The following ECE1 variants were observed in gnomAD, a reference collection of about 807,000 sequenced individuals.
The protein encoded by ECE1 is endothelin converting enzyme 1, also known as endothelin-converting enzyme 1.
ECE1 carries 35 observed loss-of-function variants against 98.6 expected under a neutral mutation model. The observed-to-expected ratio is 0.35, with a 90% CI of 0.27 to 0.47. ECE1 has a LOEUF of 0.47. Ranked by LOEUF, ECE1 falls within the 20% of genes least tolerant of loss-of-function variation. ECE1 has a pLI of 1.00. For missense variants in ECE1, 814 were observed against 1,025.3 expected (o/e 0.79, Z 2.81); for synonymous variants, 394 against 407.1 (o/e 0.97, Z 0.39).
intron 1 of ECE1, among the ~76,000 whole-genome samples, chr1:21,323,867 G>A (rs1055229869): frequency 2.0e-5 from 3 of 150,816 alleles, no homozygotes; most frequent in Non-Finnish European, 2.9e-5. Flanking sequence ...GCCCAGGCTG[G>A]AGTGCAATGG....
chr1:21,232,271 A>AT (rs2098182731), intron 14 of ECE1, among the ~76,000 whole-genome samples: 1 of 151,492 alleles, frequency 6.6e-6, no homozygotes, highest in African/African-American at 2.4e-5. Context: ...ACTACATCTA[A>AT]TTTTTTTGAG....
intron 7 of ECE1, among the ~76,000 whole-genome samples, chr1:21,256,490 A>G (rs2098220103): frequency 6.6e-6 from 1 of 151,872 alleles, no homozygotes; most frequent in Non-Finnish European, 1.5e-5. Context: ...CAGGAGGAGG[A>G]GGTTGCAGTG....
At chr1:21,312,959 T>A (rs530845820) in intron 1 of ECE1, among the ~76,000 whole-genome samples, 19 of 152,302 alleles carry the variant, frequency 1.2e-4, no homozygotes, top group African/African-American at 4.6e-4. Flanking sequence ...AGGTAAATAC[T>A]ATCATTGTCT....
intron 4 of ECE1, among the ~76,000 whole-genome samples, chr1:21,263,888 C>T (rs2098230394): frequency 6.6e-6 from 1 of 152,174 alleles, no homozygotes; most frequent in Admixed American, 6.5e-5. Context: ...TCTTCTTTTT[C>T]CTCCTCACTC....
chr1:21,227,281 T>C, intron 15 of ECE1, 55 bp from the exon 16 acceptor site: 1 of 1,520,286 alleles, frequency 6.6e-7, no homozygotes, highest in East Asian at 2.3e-5. Context: ...GGCCTCTCAC[T>C]CTTGCTCAGG....
At position 21,228,967 on chromosome 1, in the gene ECE1, G is replaced by A. The variant is rs552967797; in HGVS notation, c.1671-926C>T. 1.5e-4 allele frequency among the ~76,000 whole-genome samples: 23 copies of A among 150,126 alleles called. 1 individual carries two copies. The highest frequency in any genetic ancestry group is 6.1e-4 in the East Asian group (3 of 4,920). On this transcript the variant is annotated intron_variant, in intron 14 of 18. Coordinates refer to ENST00000374893, the MANE Select transcript of ECE1 (RefSeq NM_001397.3). ...CGCCATTCTCCTGCCTCAGCCTCCC[G>A]TGTAGCTGGGACTACAGGCGCCCAC... is the stretch of plus-strand genomic sequence containing the variant.
chr1:21,296,816 C>T (rs956959197), intron 1 of ECE1, among the ~76,000 whole-genome samples: 2 of 152,110 alleles, frequency 1.3e-5, no homozygotes, highest in East Asian at 1.9e-4. Flanking sequence ...TTAGAGGCTA[C>T]GGGCCACCCA....
At chr1:21,226,829 G>A (rs2098174922) in intron 16 of ECE1, among the ~76,000 whole-genome samples, 1 of 152,126 alleles carries the variant, frequency 6.6e-6, no homozygotes, top group Non-Finnish European at 1.5e-5. Context: ...AGATTCAAAC[G>A]ATTTTCCTGC....
rs28367930 is a variant in ECE1 at position 21,286,723 on chromosome 1, G to C, written c.138+3347C>G. Among the ~76,000 whole-genome samples, 5 of 151,888 alleles carry C rather than the reference G, an allele frequency of 3.3e-5. 1 individual carries two copies. The highest frequency in any genetic ancestry group is 9.7e-5 in the African/African-American group (4 of 41,312). Reference sequence around the variant, plus strand: ...GAGGATCACTTGAGGCCAGGAGTTCGAGACCAGCCTGGGCAACATGGCAAA... The same window carrying C: ...GAGGATCACTTGAGGCCAGGAGTTCCAGACCAGCCTGGGCAACATGGCAAA... On this transcript the variant is annotated intron_variant, in intron 2 of 18. Coordinates refer to ENST00000374893, the MANE Select transcript of ECE1 (RefSeq NM_001397.3).
At chr1:21,226,068 A>G (rs2098173777) in intron 16 of ECE1, among the ~76,000 whole-genome samples, 1 of 152,064 alleles carries the variant, frequency 6.6e-6, no homozygotes, top group Non-Finnish European at 1.5e-5. Context: ...GAGCCAGCTG[A>G]CCTAGGATCA....
rs1187184590 is a variant in ECE1, at chr1:21,327,950, G to C, written c.3+17426C>G. On this transcript the variant is annotated intron_variant, in intron 1 of 18. Coordinates refer to the ECE1 transcript ENST00000415912. This position sits in a 1 kb window ranked among gnomAD's most constrained non-coding sequence, Gnocchi z 4.6. ...GAGAATCTATGAGAATCTAACTAAG[G>C]TGATGAATCTAACTAACATGAACTG... Among the ~76,000 whole-genome samples the C allele has an allele frequency of 6.6e-6, 1 of 152,154 alleles. No individual in the cohort carries two copies. Among genetic ancestry groups the C allele is most frequent in the Non-Finnish European group, 1.5e-5 (1 of 68,020 alleles).
intron 1 of ECE1, among the ~76,000 whole-genome samples, chr1:21,331,412 A>T (rs1451063371): frequency 3.9e-5 from 6 of 152,016 alleles, no homozygotes; most frequent in Non-Finnish European, 8.8e-5. Flanking sequence ...CAAAAAAATT[A>T]AAAAATTAAA....
chr1:21,225,445 G>C lies in ECE1; in HGVS notation c.1850-5C>G. The stretch of plus-strand genomic sequence containing the variant: ...CGTCCTTGTCATACTCCCGTCCTGT[G>C]GGTCAGAGGGAGGCGTCATGTCAAG... On this transcript the variant is annotated splice_region_variant and splice_polypyrimidine_tract_variant and intron_variant, in intron 16 of 18. Transcript: ENST00000374893. The surrounding 1 kb of genome is among the most constrained non-coding windows in gnomAD (Gnocchi z 5.3). The C allele has an allele frequency of 6.2e-7, 1 of 1,613,776 alleles. No individual in the cohort carries two copies. Among genetic ancestry groups the C allele is most frequent in the Non-Finnish European group, 8.5e-7 (1 of 1,179,902 alleles).
intron 2 of ECE1, among the ~76,000 whole-genome samples, chr1:21,281,216 C>A (rs2098254138): frequency 6.6e-6 from 1 of 152,046 alleles, no homozygotes; most frequent in Non-Finnish European, 1.5e-5. Context: ...CAAAACAAAA[C>A]AAAACAAAAC....
At chr1:21,227,886 G>C in intron 15 of ECE1, 45 bp downstream of exon 15, 2 of 1,473,962 alleles carry the variant, frequency 1.4e-6, no homozygotes, top group Non-Finnish European at 1.9e-6. Context: ...CCCAGGGCTG[G>C]GCTGGGGGAA....
At chr1:21,328,096 T>G (rs1017482511) in intron 1 of ECE1, among the ~76,000 whole-genome samples, 1 of 152,168 alleles carries the variant, frequency 6.6e-6, no homozygotes, top group Non-Finnish European at 1.5e-5. Flanking sequence ...ACCAAAAAGG[T>G]TGGAGATTGC....
In ECE1 at chr1:21,260,222, G is replaced by A. The variant is rs1558394836; in HGVS notation, c.615+49C>T. 1 of 1,613,820 alleles carries A rather than the reference G, an allele frequency of 6.2e-7. No individual in the cohort carries two copies. The highest frequency in any genetic ancestry group is 2.2e-5 in the East Asian group (1 of 44,872). On this transcript the variant is annotated intron_variant, in intron 5 of 18. Transcript: ENST00000374893. This position sits in a 1 kb window ranked among gnomAD's most constrained non-coding sequence, Gnocchi z 4.3. ...GGCTGGAGTGGAAGCCAGGGGGCGGGCAGGTGGCATGGGCCGGGGCTTGGG... is the reference window on the plus strand; with the variant it reads ...GGCTGGAGTGGAAGCCAGGGGGCGGACAGGTGGCATGGGCCGGGGCTTGGG...
intron 1 of ECE1, among the ~76,000 whole-genome samples, chr1:21,311,452 CGCTTGAGACCAGCA>C (rs1638721825): frequency 6.9e-6 from 1 of 145,842 alleles, no homozygotes; most frequent in South Asian, 2.1e-4. Flanking sequence ...GCAGGAGGAT[CGCTTGAGACCAGCA>C]GTTTGAGACC....
intron 1 of ECE1, among the ~76,000 whole-genome samples, chr1:21,313,022 G>A (rs1203498065): frequency 1.3e-5 from 2 of 152,116 alleles, no homozygotes; most frequent in African/African-American, 2.4e-5. Context: ...TGACTTGCTT[G>A]GATCACACAG....
Sources: gnomAD v4.1 joint callset for allele counts (sites outside exome capture counted in the v4.1 genomes callset) on GRCh38, gnomAD v4.1.1 for gene constraint, Gnocchi (gnomAD v3.1) non-coding constraint, MANE v1.5 for transcripts, NCBI Gene and HGNC (gene_info 2026-07-23, HGNC 2026-07-21) for gene names.